The following EPB41 variants were observed in gnomAD, a reference collection of about 807,000 sequenced individuals.
EPB41 encodes the protein erythrocyte membrane protein band 4.1.
Under a neutral mutation model 108.0 loss-of-function variants are expected in EPB41, and 65 were observed. The observed-to-expected ratio is 0.60, with a 90% CI of 0.49 to 0.74. The LOEUF (loss-of-function observed/expected upper bound fraction) is 0.74. Ranked by LOEUF, EPB41 falls within the 30% of genes least tolerant of loss-of-function variation. The pLI is 0.00. For synonymous variants in EPB41, 336 were observed against 358.9 expected (o/e 0.94, Z 0.72); for missense variants, 875 against 1,037.0 (o/e 0.84, Z 2.15).
chr1:29,011,977 T>C, intron 5 of EPB41, 70 bp downstream of exon 5: 1 of 1,541,564 alleles, frequency 6.5e-7, no homozygotes, highest in Non-Finnish European at 9.0e-7. Context: ...CAACCATTTC[T>C]GGCTGTGAGT....
intron 11 of EPB41, among the ~76,000 whole-genome samples, chr1:29,048,490 C>T (rs758763057): frequency 9.9e-5 from 15 of 151,938 alleles, no homozygotes; most frequent in African/African-American, 2.4e-4. Flanking sequence ...GGATTACAGG[C>T]GTGAGCCACC....
chr1:29,068,855 C>A, intron 16 of EPB41: 1 of 1,137,584 alleles, frequency 8.8e-7, no homozygotes, highest in Non-Finnish European at 1.1e-6. Context: ...CAGATAATCC[C>A]CCCAGAACTG....
At chr1:28,987,356 T>C (rs2095891933) in intron 1 of EPB41, 75 bp from the exon 2 acceptor site, 1 of 1,277,264 alleles carries the variant, frequency 7.8e-7, no homozygotes, top group African/African-American at 1.5e-5. Flanking sequence ...TATTAATTTT[T>C]TAGGGTTTAG....
intron 18 of EPB41, among the ~76,000 whole-genome samples, chr1:29,111,963 C>T (rs1436293573): frequency 5.4e-5 from 8 of 148,044 alleles, no homozygotes; most frequent in South Asian, 2.1e-4. Context: ...GACAACAGAG[C>T]GAGACTCTGT....
rs551757243 is a variant in EPB41 at position 29,079,064 on chromosome 1, C to T, written c.2184+13906C>T. ...AGGCTGGAGTGCAATGGTGCGATCT[C>T]GGCTCACGGCAACCTCCGCCTCCCG... On this transcript the variant is annotated intron_variant, in intron 16 of 20. Coordinates refer to ENST00000343067, the MANE Select transcript of EPB41 (RefSeq NM_001376013.1). Among the ~76,000 whole-genome samples, 1,093 of 151,412 alleles carry T rather than the reference C, an allele frequency of 7.2e-3. 12 individuals carry two copies. The highest frequency in any genetic ancestry group is 0.022 in the African/African-American group (890 of 41,246).
intron 16 of EPB41, chr1:29,096,230 G>GA: frequency 6.1e-6 from 6 of 985,872 alleles, no homozygotes; most frequent in Non-Finnish European, 7.2e-6. Context: ...CTCTGAATGG[G>GA]AGGGTCCCAA....
In EPB41 at chr1:28,993,371, TAAGG is replaced by T. The variant is rs1445692049; in HGVS notation, c.516_519del (p.Gly173LysfsTer9). ...TCAGAGAAGATCCAGATTTTGAAATTAAGGAAGGAGAAGGACTTGAAGAGTGCTC... is the reference window on the plus strand; with the variant it reads ...TCAGAGAAGATCCAGATTTTGAAATTAAGGAGAAGGACTTGAAGAGTGCTC... On this transcript the variant is annotated frameshift_variant, in exon 3 of 21. Coordinates refer to ENST00000343067, the MANE Select transcript of EPB41 (RefSeq NM_001376013.1). LOFTEE classifies it high-confidence loss of function. 6.2e-7 allele frequency: 1 copy of T among 1,613,400 alleles called. No individual in the cohort carries two copies. The highest frequency in any genetic ancestry group is 2.2e-5 in the East Asian group (1 of 44,864).
chr1:28,994,795 A>G (rs1261272645), intron 3 of EPB41, among the ~76,000 whole-genome samples: 1 of 150,794 alleles, frequency 6.6e-6, no homozygotes, highest in Admixed American at 6.6e-5. Context: ...AGTAGCTGGG[A>G]CTACAGGCAC....
At chr1:28,969,760 G>A (rs2095450753) in intron 1 of EPB41, among the ~76,000 whole-genome samples, 1 of 152,134 alleles carries the variant, frequency 6.6e-6, no homozygotes. Flanking sequence ...AATTAGCCGG[G>A]CGTGGCGGTG....
chr1:29,037,912 T>G (rs1269208025), intron 10 of EPB41, among the ~76,000 whole-genome samples: 2 of 146,412 alleles, frequency 1.4e-5, no homozygotes, highest in East Asian at 3.8e-4. Flanking sequence ...CCCCTTGTAC[T>G]TATCACCCAG....
intron 1 of EPB41, among the ~76,000 whole-genome samples, chr1:28,932,432 T>C (rs995842014): frequency 2.0e-5 from 3 of 151,430 alleles, no homozygotes; most frequent in African/African-American, 7.3e-5. Flanking sequence ...TCTATATTTT[T>C]ATCTTTTCTT....
At chr1:29,097,247 A>C (rs1192836886) in intron 16 of EPB41, 1 of 158,840 alleles carries the variant, frequency 6.3e-6, no homozygotes, top group African/African-American at 2.4e-5. Context: ...GGGATTAATC[A>C]CCAGGTGGTG....
At chr1:29,058,929 G>T in intron 14 of EPB41, 77 bp downstream of exon 14, 1 of 1,231,580 alleles carries the variant, frequency 8.1e-7, no homozygotes, top group South Asian at 1.4e-5. Context: ...AAAAGACAGT[G>T]ATCCATTCTT....
rs2091281851 is a variant in EPB41 at position 28,901,226 on chromosome 1, G to T, written c.-8+14016G>T. Among the ~76,000 whole-genome samples, 2 of 145,018 alleles carry T rather than the reference G, an allele frequency of 1.4e-5. 1 individual carries two copies. Among genetic ancestry groups the T allele is most frequent in the Non-Finnish European group, 3.0e-5 (2 of 65,900 alleles). On this transcript the variant is annotated intron_variant, in intron 1 of 16. Transcript: ENST00000347529. ...TTACAGGCGTGAGCCACTGCACCCG[G>T]CTATTTATTTACTTTTTGAGACAGA...
At chr1:29,114,842 A>T (rs928585715) in intron 19 of EPB41, among the ~76,000 whole-genome samples, 19 of 152,238 alleles carry the variant, frequency 1.2e-4, no homozygotes, top group African/African-American at 4.6e-4. Context: ...ATTATAACTT[A>T]ATAGAGTTTA....
intron 7 of EPB41, 33 bp from the exon 8 acceptor site, chr1:29,030,367 C>A (rs199712199): frequency 1.3e-6 from 2 of 1,544,980 alleles, no homozygotes; most frequent in South Asian, 1.1e-5. Flanking sequence ...CACTATAACA[C>A]TGAAAGAATT....
intron 16 of EPB41, among the ~76,000 whole-genome samples, chr1:29,079,272 C>G (rs1269288338): frequency 6.6e-6 from 1 of 152,052 alleles, no homozygotes; most frequent in East Asian, 1.9e-4. Flanking sequence ...GCTGGGATTA[C>G]AGGCATGAGC....
intron 1 of EPB41, among the ~76,000 whole-genome samples, chr1:28,925,172 C>T (rs2093371230): frequency 6.6e-6 from 1 of 152,082 alleles, no homozygotes; most frequent in Non-Finnish European, 1.5e-5. Context: ...ACCATATTGG[C>T]CAGGCTGGTC....
At position 28,986,301 on chromosome 1, in the gene EPB41, T is replaced by C. The variant is rs943222431; in HGVS notation, c.-7-1130T>C. On this transcript the variant is annotated intron_variant, in intron 1 of 20. Coordinates refer to ENST00000343067, the MANE Select transcript of EPB41 (RefSeq NM_001376013.1). The stretch of plus-strand genomic sequence containing the variant: ...GTGAATCAAAGCATAAGGTCATCAA[T>C]AGTCGACTTCATTGCCCAGTGTTTT... Among the ~76,000 whole-genome samples the C allele has an allele frequency of 2.6e-5, 4 of 152,164 alleles. No homozygotes were observed. The South Asian group carries it at 6.2e-4, about 24-fold the overall frequency.
Sources: allele counts gnomAD v4.1 joint callset (sites outside exome capture counted in the v4.1 genomes callset), GRCh38; gene constraint gnomAD v4.1.1; transcripts MANE v1.5; gene names NCBI Gene and HGNC (gene_info 2026-07-23, HGNC 2026-07-21).